NHS: variants seen among roughly 807,000 people sequenced by gnomAD.
NHS encodes NHS actin remodeling regulator.
In NHS, 5 loss-of-function variants were observed where a neutral mutation model predicts 72.5. That is an observed-to-expected ratio of 0.07 (90% CI 0.04 to 0.14). The LOEUF is 0.14. NHS is among the 10% of genes least tolerant of loss of function. The pLI is 1.00. For synonymous variants in NHS, 464 were observed against 547.7 expected, an observed-to-expected ratio of 0.85 and a Z score of 2.13; for missense variants, 1,072 against 1,355.7, an observed-to-expected ratio of 0.79 and a Z score of 3.29.
chrX:17,494,091 T>A (rs1368039943), intron 1 of NHS, among the ~76,000 whole-genome samples: 2 of 103,459 alleles, frequency 1.9e-5, no homozygotes, highest in Non-Finnish European at 4.0e-5. Context: ...TTTTTTTTTT[T>A]TTTTTTTGAC....
At position 17,727,703 on chromosome X, in the gene NHS, A is replaced by G; in HGVS notation, c.3597A>G (p.Ile1199Met). The G allele has an allele frequency of 1.7e-6, 2 of 1,211,269 alleles. No individual in the cohort carries two copies. The highest frequency in any genetic ancestry group is 2.2e-6 in the Non-Finnish European group (2 of 895,016). ...GTCAATACTCCACTGAAGACACCAT[A>G]CTGTCCTTTTTAGACTCTTCTGCAG... ...VSRQYSTEDT[I>M]LSFLDSSAVE... The change falls in exon 7 of 9, where the codon ATA becomes ATG. Residue 1199 changes from isoleucine (I) to methionine (M), a missense_variant. By Grantham distance (10) the Ile-to-Met change is conservative. Transcript: ENST00000676302.
intron 1 of NHS, among the ~76,000 whole-genome samples, chrX:17,540,793 G>A (rs1270484519): frequency 3.6e-5 from 4 of 112,400 alleles, no homozygotes; most frequent in African/African-American, 1.3e-4. Flanking sequence ...AATGTTTATT[G>A]TGTGGGCTGG....
chrX:17,595,074 T>G (rs924603345), intron 1 of NHS, among the ~76,000 whole-genome samples: 86 of 111,769 alleles, frequency 7.7e-4, no homozygotes, highest in African/African-American at 2.6e-3. Flanking sequence ...TCTGGGTGGA[T>G]ATCAACAGCA....
chrX:17,474,569 A>G (rs2064906169), intron 1 of NHS, among the ~76,000 whole-genome samples: 1 of 111,748 alleles, frequency 8.9e-6, no homozygotes, highest in Non-Finnish European at 1.9e-5. Context: ...ACCATGCAGT[A>G]CAACAAAGAC....
intron 1 of NHS, among the ~76,000 whole-genome samples, chrX:17,398,776 C>T (rs1191930687): frequency 2.7e-5 from 3 of 112,027 alleles, no homozygotes; most frequent in East Asian, 5.7e-4. Context: ...AGCAGGGAAG[C>T]ATGCACAGCC....
intron 1 of NHS, among the ~76,000 whole-genome samples, chrX:17,587,988 A>G (rs894268035): frequency 3.6e-5 from 4 of 112,299 alleles, no homozygotes; most frequent in Admixed American, 9.4e-5. Context: ...ATACCATAGT[A>G]ATGGTGGCTC....
At chrX:17,583,717 A>G (rs932473225) in intron 1 of NHS, among the ~76,000 whole-genome samples, 1 of 112,029 alleles carries the variant, frequency 8.9e-6, no homozygotes, top group African/African-American at 3.2e-5. Context: ...CTTCACGTTT[A>G]AGCCAGAGAT....
chrX:17,438,378 A>G (rs1439179928), intron 1 of NHS, among the ~76,000 whole-genome samples: 1 of 112,346 alleles, frequency 8.9e-6, no homozygotes, highest in Non-Finnish European at 1.9e-5. Flanking sequence ...AAAATACTGA[A>G]GCACAACTCT....
intron 1 of NHS, among the ~76,000 whole-genome samples, chrX:17,564,992 T>A: frequency 9.1e-6 from 1 of 109,584 alleles, no homozygotes; most frequent in Non-Finnish European, 1.9e-5. Flanking sequence ...TATTTTTTTT[T>A]TTTGCAGCAA....
chrX:17,522,507 G>GCCCCATCCC (rs1271603609), intron 1 of NHS, among the ~76,000 whole-genome samples: 1 of 22,090 alleles, frequency 4.5e-5, no homozygotes, highest in East Asian at 2.0e-3. Flanking sequence ...CCCCCCCCCC[G>GCCCCATCCC]CCCCATCCCC....
intron 1 of NHS, among the ~76,000 whole-genome samples, chrX:17,479,733 T>C (rs1444845945): frequency 3.6e-5 from 4 of 112,163 alleles, no homozygotes; most frequent in Non-Finnish European, 7.5e-5. Context: ...GCCTACTTTT[T>C]GATGGGGTTG....
At chrX:17,418,994 A>C (rs2064610040) in intron 1 of NHS, among the ~76,000 whole-genome samples, 1 of 112,526 alleles carries the variant, frequency 8.9e-6, no homozygotes, top group South Asian at 3.7e-4. Context: ...TTGTGTATGT[A>C]TTTGTGGATA....
At chrX:17,695,942 A>G (rs865995776) in intron 3 of NHS, among the ~76,000 whole-genome samples, 4,524 of 93,034 alleles carry the variant, frequency 0.049, 116 homozygotes, top group Non-Finnish European at 0.073. Flanking sequence ...AAAAAAAAAA[A>G]GGGGGGGGGT....
At chrX:17,440,090 G>A (rs997959092) in intron 1 of NHS, among the ~76,000 whole-genome samples, 2 of 108,393 alleles carry the variant, frequency 1.8e-5, no homozygotes, top group Admixed American at 2.0e-4. Flanking sequence ...TGAAACCCCC[G>A]TCTCTACTAA....
chrX:17,509,694 T>G (rs1392654121), intron 1 of NHS, among the ~76,000 whole-genome samples: 2 of 112,494 alleles, frequency 1.8e-5, no homozygotes, highest in Non-Finnish European at 3.8e-5. Flanking sequence ...TCAAGGAACT[T>G]GCTCAAGGTC....
intron 1 of NHS, among the ~76,000 whole-genome samples, chrX:17,420,224 G>A (rs2064616539): frequency 8.9e-6 from 1 of 112,037 alleles, no homozygotes; most frequent in Admixed American, 9.4e-5. Flanking sequence ...ATTTGCCAAA[G>A]CATATAATTT....
chrX:17,507,525 G>C (rs766544406), intron 1 of NHS, among the ~76,000 whole-genome samples: 10 of 112,030 alleles, frequency 8.9e-5, no homozygotes, highest in Non-Finnish European at 1.5e-4. Context: ...TAAATTCCCA[G>C]AAAATTTTGC....
At chrX:17,687,409 A>AC (rs1199635117) in intron 1 of NHS, 5 of 266,705 alleles carry the variant, frequency 1.9e-5, no homozygotes, top group Middle Eastern at 1.2e-3. Flanking sequence ...CCCCATCTCC[A>AC]CCCCCAAGCA....
intron 1 of NHS, among the ~76,000 whole-genome samples, chrX:17,437,931 A>G (rs1400631549): frequency 3.6e-5 from 4 of 112,172 alleles, no homozygotes; most frequent in African/African-American, 1.3e-4. Flanking sequence ...AGGGAGAGGA[A>G]GAGCAAACGA....
Sources: allele counts gnomAD v4.1 joint callset (sites outside exome capture counted in the v4.1 genomes callset), GRCh38; gene constraint gnomAD v4.1.1; transcripts MANE v1.5; gene names NCBI Gene and HGNC (gene_info 2026-07-23, HGNC 2026-07-21).